Variants in PTPRD observed in about 807,000 individuals in gnomAD.
The protein encoded by PTPRD is protein tyrosine phosphatase receptor type D.
PTPRD carries 34 observed loss-of-function variants against 214.5 expected under a neutral mutation model. The observed-to-expected ratio is 0.16, with a 90% CI of 0.12 to 0.21. The LOEUF (loss-of-function observed/expected upper bound fraction) is 0.21, where lower values mean the gene tolerates loss of function less well. Ranked by LOEUF, PTPRD falls within the 10% of genes least tolerant of loss-of-function variation. The pLI is 1.00. For synonymous variants in PTPRD, 1,128 were observed against 845.7 expected, an observed-to-expected ratio of 1.33 and a Z score of -5.79; for missense variants, 2,545 against 2,398.7, an observed-to-expected ratio of 1.06 and a Z score of -1.27.
rs2136811918 is a variant in PTPRD at position 8,499,687 on chromosome 9, C to A, written c.2282G>T (p.Gly761Val). 2 of 1,613,986 alleles carry A rather than the reference C, an allele frequency of 1.2e-6. No homozygotes were observed. The highest frequency in any genetic ancestry group is 1.7e-6 in the Non-Finnish European group (2 of 1,179,946). ...YVRMENGEPK[G>V]QPMLKDVMLA... ...CATGACATCTTTCAGCATGGGCTGGCCCTTGGGCTCACCATTTTCCATCCT... is the reference window on the plus strand; with the variant it reads ...CATGACATCTTTCAGCATGGGCTGGACCTTGGGCTCACCATTTTCCATCCT... The change falls in exon 25 of 46, where the codon GGC becomes GTC. Residue 761 changes from glycine (G) to valine (V), a missense_variant. Transcript: ENST00000381196.
intron 10 of PTPRD, chr9:9,090,995 A>C: frequency 6.4e-7 from 1 of 1,572,178 alleles, no homozygotes; most frequent in South Asian, 1.1e-5. Flanking sequence ...ATGCCCAAGG[A>C]CAAGGCCATT....
At chr9:9,114,791 G>A (rs1388176491) in intron 10 of PTPRD, among the ~76,000 whole-genome samples, 3 of 152,018 alleles carry the variant, frequency 2.0e-5, no homozygotes, top group South Asian at 2.1e-4. Flanking sequence ...GCTTTGAAAC[G>A]GGTCCCAGTT....
intron 4 of PTPRD, among the ~76,000 whole-genome samples, chr9:10,032,407 T>C (rs937946373): frequency 1.3e-5 from 2 of 152,208 alleles, no homozygotes; most frequent in Non-Finnish European, 2.9e-5. Flanking sequence ...AGATATTCTA[T>C]GGGACACAAG....
At chr9:9,144,405 A>G (rs939442588) in intron 10 of PTPRD, among the ~76,000 whole-genome samples, 4 of 152,222 alleles carry the variant, frequency 2.6e-5, no homozygotes, top group Admixed American at 1.3e-4. Context: ...TTTTATGTCA[A>G]CTGGAAACAT....
chr9:10,426,322 C>G (rs1268598880), intron 2 of PTPRD, among the ~76,000 whole-genome samples: 1 of 151,522 alleles, frequency 6.6e-6, no homozygotes, highest in Non-Finnish European at 1.5e-5. Flanking sequence ...CTTTTTTTTC[C>G]TTTAATTGAG....
Position 9,947,636 on chromosome 9 carries a change from T to TTTTA in PTPRD, c.-471-9027_-471-9026insTAAA, listed in dbSNP as rs2092958692. 5.7e-5 allele frequency among the ~76,000 whole-genome samples: 4 copies of TTTTA among 70,232 alleles called. 1 individual carries two copies. Among genetic ancestry groups the TTTTA allele is most frequent in the African/African-American group, 1.7e-4 (3 of 17,340 alleles). The allele number at this position is 70,232 out of a possible 152,430, so 46.1% of individuals were successfully genotyped here. On this transcript the variant is annotated intron_variant, in intron 4 of 45. Coordinates refer to ENST00000381196, the MANE Select transcript of PTPRD (RefSeq NM_002839.4). The stretch of plus-strand genomic sequence containing the variant: ...TATATATATATTTTAAATATATATT[T>TTTTA]TATATATATATATATACACCATGGC...
At chr9:8,712,006 A>G (rs1201106439) in intron 12 of PTPRD, among the ~76,000 whole-genome samples, 1 of 152,250 alleles carries the variant, frequency 6.6e-6, no homozygotes, top group Non-Finnish European at 1.5e-5. Flanking sequence ...GAACTGCTAC[A>G]TGTAATTGTA....
chr9:9,469,196 A>G (rs547760812), intron 8 of PTPRD, among the ~76,000 whole-genome samples: 1 of 152,206 alleles, frequency 6.6e-6, no homozygotes, highest in South Asian at 2.1e-4. Flanking sequence ...ATGCTAATGG[A>G]TATATGTTAA....
chr9:10,575,673 C>G (rs913854776), intron 2 of PTPRD, among the ~76,000 whole-genome samples: 2 of 152,020 alleles, frequency 1.3e-5, no homozygotes, highest in Non-Finnish European at 2.9e-5. Context: ...GATTACAAAC[C>G]TTATTAAGTG....
chr9:10,566,404 T>C (rs1305968093), intron 2 of PTPRD, among the ~76,000 whole-genome samples: 2 of 152,066 alleles, frequency 1.3e-5, no homozygotes, highest in Non-Finnish European at 2.9e-5. Context: ...CCAATTGTTT[T>C]ACAGTCTTAG....
intron 3 of PTPRD, among the ~76,000 whole-genome samples, chr9:10,192,320 A>G (rs2099367442): frequency 6.6e-6 from 1 of 151,994 alleles, no homozygotes. Flanking sequence ...TGGCTGCTGT[A>G]AGAAAATTGC....
intron 3 of PTPRD, among the ~76,000 whole-genome samples, chr9:10,213,304 G>C (rs907044324): frequency 6.6e-6 from 1 of 152,068 alleles, no homozygotes; most frequent in African/African-American, 2.4e-5. Flanking sequence ...GAAATCCTGA[G>C]AGAATAAGGA....
intron 3 of PTPRD, among the ~76,000 whole-genome samples, chr9:10,264,215 G>A (rs1311734947): frequency 6.6e-6 from 1 of 152,160 alleles, no homozygotes; most frequent in Non-Finnish European, 1.5e-5. Flanking sequence ...AGTCCCCACT[G>A]GGGCGCTGCC....
chr9:9,877,003 G>T (rs987293565), intron 5 of PTPRD, among the ~76,000 whole-genome samples: 1 of 152,146 alleles, frequency 6.6e-6, no homozygotes, highest in Non-Finnish European at 1.5e-5. Flanking sequence ...CCTTGCTGAA[G>T]TTTTGGGTTC....
rs779646596 is a variant in PTPRD at position 8,803,798 on chromosome 9, C to CT, written c.-103-69853dup. 5.9e-5 allele frequency among the ~76,000 whole-genome samples: 9 copies of CT among 151,704 alleles called. No homozygotes were observed. In the East Asian group the frequency reaches 7.7e-4, roughly 13 times the overall value. On this transcript the variant is annotated intron_variant, in intron 11 of 45. Coordinates refer to ENST00000381196, the MANE Select transcript of PTPRD (RefSeq NM_002839.4). ...TGTTTGGTAGTCCTATTCATAATAC[C>CT]TTTTTTTGGCAGAAAAATAAGGAAA...
chr9:8,445,148 C>T (rs1359329233), intron 34 of PTPRD, among the ~76,000 whole-genome samples: 3 of 152,210 alleles, frequency 2.0e-5, no homozygotes, highest in African/African-American at 7.2e-5. Context: ...CTAAATGATA[C>T]CTTCCTATAT....
At chr9:9,487,451 A>C (rs1589672990) in intron 8 of PTPRD, among the ~76,000 whole-genome samples, 1 of 152,092 alleles carries the variant, frequency 6.6e-6, no homozygotes, top group Admixed American at 6.6e-5. Flanking sequence ...TTCTTAATCC[A>C]GTCTATCATT....
At chr9:9,937,913 T>A (rs2090136115) in intron 5 of PTPRD, among the ~76,000 whole-genome samples, 1 of 152,202 alleles carries the variant, frequency 6.6e-6, no homozygotes, top group Admixed American at 6.5e-5. Flanking sequence ...TAATATATTC[T>A]GGCTATGGAT....
intron 8 of PTPRD, among the ~76,000 whole-genome samples, chr9:9,403,419 C>T (rs2071778396): frequency 1.4e-5 from 1 of 72,904 alleles, no homozygotes; most frequent in South Asian, 5.0e-4. Flanking sequence ...TTCTCTCTCT[C>T]TTTCTCTCTC....
Sources: gnomAD v4.1 joint callset for allele counts (sites outside exome capture counted in the v4.1 genomes callset) on GRCh38, gnomAD v4.1.1 for gene constraint, MANE v1.5 for transcripts, NCBI Gene and HGNC (gene_info 2026-07-23, HGNC 2026-07-21) for gene names.